The following GRIN2C variants were observed in gnomAD, a reference collection of about 807,000 sequenced individuals.
The protein encoded by GRIN2C is glutamate ionotropic receptor NMDA type subunit 2C.
Under a neutral mutation model 77.7 loss-of-function variants are expected in GRIN2C, and 64 were observed. The observed-to-expected ratio is 0.82, with a 90% CI of 0.67 to 1.01. The LOEUF is 1.01. Ranked by LOEUF, GRIN2C falls within the 50% of genes least tolerant of loss-of-function variation. The probability of loss-of-function intolerance (pLI) is 0.00; values close to 1 mark genes in which losing one functional copy is unlikely to be tolerated. For missense variants in GRIN2C, 1,549 were observed against 1,486.0 expected (o/e 1.04, Z -0.70); for synonymous variants, 792 against 643.4 (o/e 1.23, Z -3.49).
rs1201387209 is a variant in GRIN2C at position 74,842,890 on chromosome 17, G to A, written c.3247C>T (p.Pro1083Ser). 2 of 571,338 alleles carry A rather than the reference G, an allele frequency of 3.5e-6. No individual in the cohort carries two copies. Among genetic ancestry groups the A allele is most frequent in the Admixed American group, 3.5e-5 (1 of 28,956 alleles). The allele number at this position is 571,338 out of a possible 1,614,324, so 35.4% of individuals were successfully genotyped here. Residue 1083 changes from proline to serine, a missense_variant, in exon 13 of 13, where the codon CCC (proline) becomes TCC (serine). This residue lies in a region of GRIN2C where 450 missense variants were observed against 267.9 expected (regional missense o/e 1.68). Coordinates refer to ENST00000293190, the MANE Select transcript of GRIN2C (RefSeq NM_000835.6). The stretch of plus-strand genomic sequence containing the variant: ...GCGAAGGCCTCGGCCACGGAGCTGG[G>A]CAGGGAAGCGTGACGCGGGCGCGAG... Reference protein sequence around the residue: ...RGSRPRHASLPSSVAEAFARP... With the variant: ...RGSRPRHASLSSSVAEAFARP...
Position 74,859,672 on chromosome 17 carries a change from C to T in GRIN2C, c.-16+72G>A, listed in dbSNP as rs1325400199. 3 of 152,332 alleles carry T rather than the reference C, an allele frequency of 2.0e-5. No homozygotes were observed. Among genetic ancestry groups the T allele is most frequent in the Non-Finnish European group, 4.4e-5 (3 of 68,158 alleles). The allele number at this position is 152,332 out of a possible 1,614,324, so 9.4% of individuals were successfully genotyped here. A position where few individuals can be genotyped will look rare whatever the true frequency, so the allele number is the denominator to read the frequency against. On this transcript the variant is annotated intron_variant, in intron 1 of 12. Transcript: ENST00000293190. This position sits in a 1 kb window ranked among gnomAD's most constrained non-coding sequence, Gnocchi z 5.9. ...TCCTCCAAGGCTACGGCCCCCGTCT[C>T]CGCGGACCCCGCCCGGACTCCCCCT...
intron 3 of GRIN2C, 75 bp from the exon 4 acceptor site, chr17:74,851,766 G>A (rs1238092791): frequency 5.6e-6 from 5 of 884,992 alleles, no homozygotes; most frequent in Admixed American, 2.1e-5. Context: ...CGCCGCCACC[G>A]ACAGCAGGTG....
At chr17:74,843,576 G>A in intron 12 of GRIN2C, 23 bp from the exon 13 acceptor site, 1 of 1,529,838 alleles carries the variant, frequency 6.5e-7, no homozygotes, top group Middle Eastern at 2.3e-4. Context: ...GAGACGACAG[G>A]CCGTAAGCAG....
In GRIN2C at chr17:74,847,006, C is replaced by T. The variant is rs779450633; in HGVS notation, c.2002-86G>A. On this transcript the variant is annotated intron_variant, in intron 9 of 12. Transcript: ENST00000293190. The surrounding 1 kb of genome is among the most constrained non-coding windows in gnomAD (Gnocchi z 5.2). ...CCCAAACCCACCCCAGAGCCCAGCCCCAGTGTGGACTTGCATAGTCAGAGC... is the reference window on the plus strand; with the variant it reads ...CCCAAACCCACCCCAGAGCCCAGCCTCAGTGTGGACTTGCATAGTCAGAGC... The T allele has an allele frequency of 2.7e-5, 38 of 1,414,070 alleles. No homozygotes were observed. The highest frequency in any genetic ancestry group is 3.5e-5 in the Non-Finnish European group (36 of 1,033,802). The allele number at this position is 1,414,070 out of a possible 1,614,324, so 87.6% of individuals were successfully genotyped here.
chr17:74,845,796 C>T (rs2037435938), intron 11 of GRIN2C, among the ~76,000 whole-genome samples: 1 of 152,090 alleles, frequency 6.6e-6, no homozygotes, highest in Admixed American at 6.5e-5. Flanking sequence ...CACCCATCCC[C>T]ACCCCCACCA....
upstream of GRIN2C, among the ~76,000 whole-genome samples, chr17:74,861,109 AAGG>A (rs902028221): frequency 6.6e-6 from 1 of 152,094 alleles, no homozygotes; most frequent in Non-Finnish European, 1.5e-5. Context: ...GCGCCAAGCG[AAGG>A]AGGAGGAGGG....
chr17:74,852,385 C>T lies in GRIN2C; in HGVS notation c.626G>A (p.Arg209His), dbSNP rs1441849015. ...VTLELGPGGP[R>H]ARTQRLLRQL... ...GCGCAGCAGGCGCTGCGTGCGCGCG[C>T]GCGGCCCTCCCGGGCCCAGCTCCAG... is the stretch of plus-strand genomic sequence containing the variant. The change falls in exon 3 of 13, where the codon CGC becomes CAC. Residue 209 changes from arginine to histidine, a missense_variant. Transcript: ENST00000293190. 4.9e-6 allele frequency: 7 copies of T among 1,442,352 alleles called. No homozygotes were observed. The highest frequency in any genetic ancestry group is 2.9e-5 in the East Asian group (1 of 34,642). 89.3% of individuals were successfully genotyped at this position (1,442,352 alleles called of 1,614,324 possible).
rs1258131980 is a variant in GRIN2C, at chr17:74,850,020, C to A, written c.1492-87G>T. On this transcript the variant is annotated intron_variant, in intron 6 of 12. Transcript: ENST00000293190. This position sits in a 1 kb window ranked among gnomAD's most constrained non-coding sequence, Gnocchi z 5.3. ...AGGCACCTCCAGACACCCCTTCTAG[C>A]ACCCACCAGCTGAGTCAATCATTCC... 5.5e-6 allele frequency: 8 copies of A among 1,449,190 alleles called. No individual in the cohort carries two copies. In the East Asian group the frequency reaches 1.8e-4, roughly 33 times the overall value. The allele number at this position is 1,449,190 out of a possible 1,614,324, so 89.8% of individuals were successfully genotyped here.
intron 1 of GRIN2C, among the ~76,000 whole-genome samples, chr17:74,856,207 C>T (rs1428644708): frequency 2.0e-5 from 3 of 152,346 alleles, no homozygotes; most frequent in South Asian, 4.1e-4. Context: ...ATGGCACTGC[C>T]ATCTCTCCCA....
At chr17:74,851,271 T>C in intron 4 of GRIN2C, 1 of 374,634 alleles carries the variant, frequency 2.7e-6, no homozygotes, top group Non-Finnish European at 4.9e-6. Flanking sequence ...GCATATTGTT[T>C]ACAAGCCTGT....
Position 74,847,283 on chromosome 17 carries a change from C to A in GRIN2C, c.2001+25G>T, listed in dbSNP as rs1190093789. On this transcript the variant is annotated intron_variant, in intron 9 of 12. Transcript: ENST00000293190. This position sits in a 1 kb window ranked among gnomAD's most constrained non-coding sequence, Gnocchi z 5.2. The stretch of plus-strand genomic sequence containing the variant: ...TCCCCACCCTCAGTGCCCCCCCCCA[C>A]CCCCAGCAGCTATGGCCCCACAACC... The A allele has an allele frequency of 2.4e-6, 3 of 1,228,624 alleles. No homozygotes were observed. The South Asian group carries it at 3.6e-5, about 15-fold the overall frequency. 76.1% of individuals were successfully genotyped at this position (1,228,624 alleles called of 1,614,324 possible).
chr17:74,847,314 G>T lies in GRIN2C; in HGVS notation c.1995C>A (p.Asp665Glu). ...QYIDTVSGLS[D>E]KKFQRPQDQY... ...GCAGCTATGGCCCCACAACCTTCTT[G>T]TCACTGAGGCCCGACACAGTGTCGA... is the stretch of plus-strand genomic sequence containing the variant. Residue 665 changes from aspartate (D) to glutamate (E), a missense_variant, in exon 9 of 13, where the codon GAC becomes GAA. Transcript: ENST00000293190. The surrounding 1 kb of genome is among the most constrained non-coding windows in gnomAD (Gnocchi z 5.2). 9.6e-7 allele frequency: 1 copy of T among 1,046,736 alleles called. No individual in the cohort carries two copies. The highest frequency in any genetic ancestry group is 1.3e-6 in the Non-Finnish European group (1 of 743,816). 64.8% of individuals were successfully genotyped at this position (1,046,736 alleles called of 1,614,324 possible).
chr17:74,850,375 C>T lies in GRIN2C; in HGVS notation c.1326-4G>A, dbSNP rs1476143130. 1 of 1,609,358 alleles carries T rather than the reference C, an allele frequency of 6.2e-7. No homozygotes were observed. The highest frequency in any genetic ancestry group is 1.1e-5 in the South Asian group (1 of 91,080). On this transcript the variant is annotated splice_polypyrimidine_tract_variant and splice_region_variant and intron_variant, in intron 5 of 12. Transcript: ENST00000293190. The surrounding 1 kb of genome is among the most constrained non-coding windows in gnomAD (Gnocchi z 5.3). ...GTAGGGGGCCACGTCCCCGCTGCTG[C>T]AGCCATGCCGCCATGAGACCACCGG...
chr17:74,851,671 C>T lies in GRIN2C; in HGVS notation c.1019G>A (p.Trp340Ter), dbSNP rs746540476. 6.9e-5 allele frequency: 108 copies of T among 1,568,570 alleles called. No homozygotes were observed. The highest frequency in any genetic ancestry group is 8.3e-5 in the Non-Finnish European group (96 of 1,156,274). ...GCTGAAGGAGAAGTCTCGGCCCTCC[C>T]AGGTGACATTCAGTAGGTGCCTGCC... ...AFYRHLLNVTWEGRDFSFSPG... is the reference protein window; with the variant it reads ...AFYRHLLNVT The change falls in exon 4 of 13, where the codon TGG becomes TAG. Residue 340 changes from tryptophan (W) to a stop codon, truncating the protein, a stop_gained. Coordinates refer to ENST00000293190, the MANE Select transcript of GRIN2C (RefSeq NM_000835.6). LOFTEE classifies it high-confidence loss of function.
At chr17:74,851,150 C>T (rs894244875) in intron 4 of GRIN2C, 6 of 323,706 alleles carry the variant, frequency 1.9e-5, no homozygotes, top group Non-Finnish European at 3.5e-5. Context: ...TCAAATATCC[C>T]ATCTTCTGGG....
In GRIN2C at chr17:74,859,425, A is replaced by G. The variant is rs1008731397; in HGVS notation, c.-16+319T>C. Among the ~76,000 whole-genome samples, 6 of 151,910 alleles carry G rather than the reference A, an allele frequency of 3.9e-5. No homozygotes were observed. The highest frequency in any genetic ancestry group is 7.4e-5 in the Non-Finnish European group (5 of 67,942). ...GCACTCATACCCGCTCACATCTGAG[A>G]TACCGATGGCTCTCCCTCTCCCAGG... On this transcript the variant is annotated intron_variant, in intron 1 of 12. Coordinates refer to ENST00000293190, the MANE Select transcript of GRIN2C (RefSeq NM_000835.6). The surrounding 1 kb of genome is among the most constrained non-coding windows in gnomAD (Gnocchi z 5.9).
Position 74,846,386 on chromosome 17 carries a change from G to C in GRIN2C, c.2163-133C>G. On this transcript the variant is annotated intron_variant, in intron 10 of 12. Transcript: ENST00000293190. The surrounding 1 kb of genome is among the most constrained non-coding windows in gnomAD (Gnocchi z 4.4). ...GGGAGGGACCAATGGGCAGAGACTTGTCTGGTTCTCTTGGGTCCTGGATGG... is the reference window on the plus strand; with the variant it reads ...GGGAGGGACCAATGGGCAGAGACTTCTCTGGTTCTCTTGGGTCCTGGATGG... 2.7e-6 allele frequency: 2 copies of C among 728,626 alleles called. No individual in the cohort carries two copies. Among genetic ancestry groups the C allele is most frequent in the Non-Finnish European group, 4.6e-6 (2 of 435,108 alleles). 45.1% of individuals were successfully genotyped at this position (728,626 alleles called of 1,614,324 possible).
Position 74,846,050 on chromosome 17 carries a change from C to G in GRIN2C, c.2350+16G>C, listed in dbSNP as rs2144556256. On this transcript the variant is annotated intron_variant, in intron 11 of 12. Transcript: ENST00000293190. This position sits in a 1 kb window ranked among gnomAD's most constrained non-coding sequence, Gnocchi z 4.4. ...CCACAGCCCACCCTGGGCATCCCAG[C>G]AATGGCAGTACCCACCGTCCCCCAG... The G allele has an allele frequency of 1.9e-6, 3 of 1,611,212 alleles. No individual in the cohort carries two copies. The East Asian group carries it at 6.7e-5, about 36-fold the overall frequency.
In GRIN2C at chr17:74,846,362, G is replaced by A; in HGVS notation, c.2163-109C>T. 1.1e-6 allele frequency: 1 copy of A among 905,768 alleles called. No homozygotes were observed. The highest frequency in any genetic ancestry group is 1.5e-5 in the South Asian group (1 of 65,998). 56.1% of individuals were successfully genotyped at this position (905,768 alleles called of 1,614,324 possible). A position where few individuals can be genotyped will look rare whatever the true frequency, so the allele number is the denominator to read the frequency against. On this transcript the variant is annotated intron_variant, in intron 10 of 12. Coordinates refer to ENST00000293190, the MANE Select transcript of GRIN2C (RefSeq NM_000835.6). This position sits in a 1 kb window ranked among gnomAD's most constrained non-coding sequence, Gnocchi z 4.4. ...CACATGAGCCTGCTGGGCACCCCCG[G>A]GAGGGACCAATGGGCAGAGACTTGT... is the stretch of plus-strand genomic sequence containing the variant.
Sources: allele counts gnomAD v4.1 joint callset (sites outside exome capture counted in the v4.1 genomes callset), GRCh38; gene constraint gnomAD v4.1.1; regional missense constraint gnomAD v4.1.1; non-coding constraint Gnocchi (gnomAD v3.1); transcripts MANE v1.5; gene names NCBI Gene and HGNC (gene_info 2026-07-23, HGNC 2026-07-21).